Variants in CRB2 observed in about 807,000 individuals in gnomAD.
CRB2 encodes protein crumbs homolog 2.
CRB2 carries 85 observed loss-of-function variants against 110.9 expected under a neutral mutation model. The observed-to-expected ratio is 0.77, with a 90% CI of 0.64 to 0.92. The LOEUF (loss-of-function observed/expected upper bound fraction) is 0.92, where lower values mean the gene tolerates loss of function less well. Ranked by LOEUF, CRB2 falls within the 40% of genes least tolerant of loss-of-function variation. CRB2 has a pLI of 0.00. For missense variants in CRB2, 1,843 were observed against 1,851.3 expected, an observed-to-expected ratio of 1.00 and a Z score of 0.08; for synonymous variants, 907 against 831.0, an observed-to-expected ratio of 1.09 and a Z score of -1.57.
rs1190791808 is a variant in CRB2 at position 123,373,377 on chromosome 9, C to G, written c.2846C>G (p.Pro949Arg). The G allele has an allele frequency of 2.3e-5, 33 of 1,431,766 alleles. 1 individual carries two copies. Among genetic ancestry groups the G allele is most frequent in the Middle Eastern group, 2.4e-4 (1 of 4,090 alleles). 88.7% of individuals were successfully genotyped at this position (1,431,766 alleles called of 1,614,324 possible). The change falls in exon 10 of 13, where the codon CCG becomes CGG. Residue 949 changes from proline to arginine, a missense_variant. By Grantham distance (103) the Pro-to-Arg change is moderately radical. Coordinates refer to ENST00000373631, the MANE Select transcript of CRB2 (RefSeq NM_173689.7). ...LPGAVLPIPG[P>R]RVADGAWHRV... Reference sequence around the variant, plus strand: ...GGCGCTGTGCTGCCCATACCGGGGCCGCGCGTGGCCGATGGTGCCTGGCAC... The same window carrying G: ...GGCGCTGTGCTGCCCATACCGGGGCGGCGCGTGGCCGATGGTGCCTGGCAC...
At position 123,371,568 on chromosome 9, in the gene CRB2, A is replaced by T. The variant is rs755917679; in HGVS notation, c.2426A>T (p.Asp809Val). ...CTCACTGCGGGCTGCGTCTCCGAGG[A>T]CATGTGCAGTGTAAGTGTCTGGTGG... ...WNLTAGCVSE[D>V]MCSPDPCFNG... is the part of the protein sequence containing the mutation. Residue 809 changes from aspartate (D) to valine (V), a missense_variant, in exon 8 of 13, where the codon GAC (aspartate) becomes GTC (valine). Physicochemically the swap from Asp to Val is radical, Grantham distance 152. Transcript: ENST00000373631. The T allele has an allele frequency of 1.2e-6, 2 of 1,612,758 alleles. No individual in the cohort carries two copies. The highest frequency in any genetic ancestry group is 1.3e-5 in the African/African-American group (1 of 75,024).
At position 123,370,259 on chromosome 9, in the gene CRB2, C is replaced by A. The variant is rs763787486; in HGVS notation, c.1206C>A (p.Gly402=). 2 of 1,613,290 alleles carry A rather than the reference C, an allele frequency of 1.2e-6. No homozygotes were observed. The highest frequency in any genetic ancestry group is 2.2e-5 in the South Asian group (2 of 91,086). Residue 402 remains glycine, a synonymous_variant, in exon 7 of 13, where the codon GGC becomes GGA. Coordinates refer to ENST00000373631, the MANE Select transcript of CRB2 (RefSeq NM_173689.7). Reference sequence around the variant, plus strand: ...CTGTGCAGCTCACTGGCTGCCAGGGCCACACCTGCCCGCTGGCTGCCACCT... The same window carrying A: ...CTGTGCAGCTCACTGGCTGCCAGGGACACACCTGCCCGCTGGCTGCCACCT... ...DCSVQLTGCQ[G]HTCPLAATCI...
At chr9:123,369,593 T>G (rs1237316967) in intron 6 of CRB2, among the ~76,000 whole-genome samples, 2 of 151,968 alleles carry the variant, frequency 1.3e-5, no homozygotes, top group Non-Finnish European at 2.9e-5. Context: ...TTCCAGGAAA[T>G]GCTCGGAGGA....
At chr9:123,366,176 G>T in intron 3 of CRB2, 51 bp from the exon 4 acceptor site, 1 of 1,375,366 alleles carries the variant, frequency 7.3e-7, no homozygotes, top group East Asian at 3.1e-5. Flanking sequence ...GGCCAGGCGC[G>T]GGGCAGAAGG....
chr9:123,363,064 G>T lies in CRB2; in HGVS notation c.294G>T (p.Pro98=), dbSNP rs140941179. 3 of 1,611,554 alleles carry T rather than the reference G, an allele frequency of 1.9e-6. No individual in the cohort carries two copies. Among genetic ancestry groups the T allele is most frequent in the Non-Finnish European group, 2.5e-6 (3 of 1,179,884 alleles). ...CCGGCTTCCGCTGCTACTGCGTGCCGGGTTTCCAGGGCCCACGCTGCGAGC... is the reference window on the plus strand; with the variant it reads ...CCGGCTTCCGCTGCTACTGCGTGCCTGGTTTCCAGGGCCCACGCTGCGAGC... ...DPTGFRCYCV[P]GFQGPRCELD... Residue 98 remains proline (P), a synonymous_variant, in exon 2 of 13, where the codon CCG becomes CCT. Coordinates refer to ENST00000373631, the MANE Select transcript of CRB2 (RefSeq NM_173689.7).
intron 1 of CRB2, among the ~76,000 whole-genome samples, chr9:123,361,803 G>C (rs1192010159): frequency 6.6e-6 from 1 of 152,202 alleles, no homozygotes; most frequent in African/African-American, 2.4e-5. Flanking sequence ...GACTTACCCA[G>C]GGTCTCATAG....
At position 123,373,213 on chromosome 9, in the gene CRB2, C is replaced by T. The variant is rs772913544; in HGVS notation, c.2682C>T (p.Gly894=). The change falls in exon 10 of 13, where the codon GGC becomes GGT. Residue 894 remains glycine (G), a synonymous_variant. Transcript: ENST00000373631. ...GHNASSGRLL[G]GLSLAFRTRD... is the part of the protein sequence containing the mutation. ...ACGCGTCGTCAGGGCGCTTGCTCGG[C>T]GGCCTGTCGCTGGCCTTTCGCACGC... is the stretch of plus-strand genomic sequence containing the variant. 5.3e-6 allele frequency: 8 copies of T among 1,510,414 alleles called. No individual in the cohort carries two copies. The highest frequency in any genetic ancestry group is 1.2e-5 in the South Asian group (1 of 82,162). The allele number at this position is 1,510,414 out of a possible 1,614,324, so 93.6% of individuals were successfully genotyped here. A position where few individuals can be genotyped will look rare whatever the true frequency, so the allele number is the denominator to read the frequency against.
chr9:123,367,417 G>GGGGCC, intron 5 of CRB2, 60 bp downstream of exon 5: 4 of 1,269,168 alleles, frequency 3.2e-6, no homozygotes, highest in Non-Finnish European at 4.1e-6. Flanking sequence ...GGGATCTTGT[G>GGGGCC]CCCACCCCCC....
chr9:123,354,145 C>G (rs972418257), upstream of CRB2, among the ~76,000 whole-genome samples: 11 of 152,370 alleles, frequency 7.2e-5, 1 homozygote, highest in Admixed American at 3.9e-4. Flanking sequence ...CTGGCTTCCT[C>G]CCCGTCACGT....
rs757377809 is a variant in CRB2 at position 123,373,563 on chromosome 9, C to T, written c.3032C>T (p.Thr1011Ile). 8 of 1,472,448 alleles carry T rather than the reference C, an allele frequency of 5.4e-6. No homozygotes were observed. The highest frequency in any genetic ancestry group is 1.3e-5 in the South Asian group (1 of 75,504). The allele number at this position is 1,472,448 out of a possible 1,614,324, so 91.2% of individuals were successfully genotyped here. ...AVRILLAENF[T>I]GCLGRVALGG... ...CGCATCCTGCTGGCTGAGAACTTCA[C>T]CGGCTGCTTGGGCCGCGTGGCGCTG... The change falls in exon 10 of 13, where the codon ACC (threonine) becomes ATC (isoleucine). Residue 1011 changes from threonine to isoleucine, a missense_variant. By Grantham distance (89) the Thr-to-Ile change is moderately conservative (BLOSUM62 -1). Transcript: ENST00000373631.
chr9:123,361,280 C>T (rs1296940978), intron 1 of CRB2, among the ~76,000 whole-genome samples: 1 of 152,222 alleles, frequency 6.6e-6, no homozygotes, highest in Admixed American at 6.5e-5. Flanking sequence ...GTGCTGGCCA[C>T]ACCCAGTCCC....
At chr9:123,369,997 G>A (rs2041989836) in intron 6 of CRB2, 111 bp from the exon 7 acceptor site, 2 of 1,299,782 alleles carry the variant, frequency 1.5e-6, no homozygotes, top group Non-Finnish European at 2.1e-6. Context: ...CTGGGAATTG[G>A]TTTGGCTGAT....
Position 123,371,421 on chromosome 9 carries a change from GT to G in CRB2, c.2280del (p.Phe763SerfsTer378). On this transcript the variant is annotated frameshift_variant, in exon 8 of 13. Coordinates refer to ENST00000373631, the MANE Select transcript of CRB2 (RefSeq NM_173689.7). LOFTEE classifies it high-confidence loss of function. ...CTTGCTGCCGACAGCCAGCCCTGGG[GT>G]GGGCCCTTCCGAGGCTGCCTCCAGG... is the stretch of plus-strand genomic sequence containing the variant. ...RLLAADSQPW[G>X]GPFRGCLQDL... is the part of the protein sequence containing the mutation. 1.2e-6 allele frequency: 2 copies of G among 1,612,104 alleles called. No homozygotes were observed. The highest frequency in any genetic ancestry group is 1.7e-6 in the Non-Finnish European group (2 of 1,179,634).
At chr9:123,371,026 C>T (rs766157498) in intron 7 of CRB2, 44 bp from the exon 8 acceptor site, 20 of 1,596,922 alleles carry the variant, frequency 1.3e-5, no homozygotes, top group African/African-American at 6.7e-5. Context: ...GATCTGCCTC[C>T]CTCAGCCTGC....
At chr9:123,372,984 G>T (rs940902133) in intron 9 of CRB2, 150 bp from the exon 10 acceptor site, 5 of 606,286 alleles carry the variant, frequency 8.2e-6, no homozygotes, top group Non-Finnish European at 1.3e-5. Context: ...GGTGGTGGGG[G>T]CGGCTGCAGT....
intron 1 of CRB2, among the ~76,000 whole-genome samples, chr9:123,359,436 GTTTTGTTTTTTTTTTT>G (rs2041837935): frequency 9.6e-5 from 6 of 62,434 alleles, no homozygotes; most frequent in Admixed American, 5.1e-4. Context: ...TTTCGTTTTT[GTTTTGTTTTTTTTTTT>G]TTTTTTTTTT....
Position 123,367,252 on chromosome 9 carries a change from C to A in CRB2, c.835C>A (p.Arg279Ser), listed in dbSNP as rs562401090. Residue 279 changes from arginine to serine, a missense_variant, in exon 5 of 13, where the codon CGC (arginine) becomes AGC (serine). Physicochemically the swap from Arg to Ser is moderately radical, Grantham distance 110. Coordinates refer to ENST00000373631, the MANE Select transcript of CRB2 (RefSeq NM_173689.7). ...CCAGCATGGGGGCCGATGCCTGCAG[C>A]GCTCTGACCCGGCCCTCTACGGGGG... is the stretch of plus-strand genomic sequence containing the variant. Reference protein sequence around the residue: ...PCQHGGRCLQRSDPALYGGVQ... With the variant: ...PCQHGGRCLQSSDPALYGGVQ... 1.9e-6 allele frequency: 3 copies of A among 1,593,950 alleles called. No individual in the cohort carries two copies. Among genetic ancestry groups the A allele is most frequent in the Middle Eastern group, 3.3e-4 (2 of 6,002 alleles).
Position 123,365,950 on chromosome 9 carries a change from C to G in CRB2, c.452C>G (p.Ala151Gly). 1.3e-6 allele frequency: 2 copies of G among 1,596,850 alleles called. No individual in the cohort carries two copies. Among genetic ancestry groups the G allele is most frequent in the Non-Finnish European group, 1.7e-6 (2 of 1,178,800 alleles). The change falls in exon 3 of 13, where the codon GCC becomes GGC. Residue 151 changes from alanine (A) to glycine (G), a missense_variant. Coordinates refer to ENST00000373631, the MANE Select transcript of CRB2 (RefSeq NM_173689.7). ...TGCGAGATGGAGGTGGACGAGTGCG[C>G]CTCAGCGCCCTGCCTGCACGGGGGC... The part of the protein sequence containing the change: ...VTCEMEVDEC[A>G]SAPCLHGGSC...
At chr9:123,370,053 G>C in intron 6 of CRB2, 55 bp from the exon 7 acceptor site, 1 of 1,538,106 alleles carries the variant, frequency 6.5e-7, no homozygotes, top group Non-Finnish European at 8.8e-7. Context: ...TTCTGGGTCA[G>C]TACTGTGATT....
Sources: gnomAD v4.1 joint callset for allele counts (sites outside exome capture counted in the v4.1 genomes callset) on GRCh38, gnomAD v4.1.1 for gene constraint, MANE v1.5 for transcripts, NCBI Gene and HGNC (gene_info 2026-07-23, HGNC 2026-07-21) for gene names.